The following SLC25A38 variants were observed in gnomAD, a reference collection of about 807,000 sequenced individuals.
SLC25A38 encodes the protein solute carrier family 25 member 38.
Under a neutral mutation model 33.4 loss-of-function variants are expected in SLC25A38, and 27 were observed. That is an observed-to-expected ratio of 0.81 (90% CI 0.60 to 1.11). SLC25A38 has a LOEUF of 1.11. Ranked by LOEUF, SLC25A38 falls within the 50% of genes most tolerant of loss-of-function variation. SLC25A38 has a pLI of 0.00. For missense variants in SLC25A38, 344 were observed against 388.8 expected, an observed-to-expected ratio of 0.88 and a Z score of 0.97; for synonymous variants, 123 against 145.9, an observed-to-expected ratio of 0.84 and a Z score of 1.13.
intron 1 of SLC25A38, 33 bp downstream of exon 1, chr3:39,383,826 T>C (rs1445010679): frequency 6.2e-7 from 1 of 1,612,068 alleles, no homozygotes; most frequent in Non-Finnish European, 8.5e-7. Context: ...AGGGCAGGGG[T>C]CCGAACCGCG....
intron 1 of SLC25A38, among the ~76,000 whole-genome samples, chr3:39,388,876 A>G (rs983382486): frequency 6.6e-6 from 1 of 152,170 alleles, no homozygotes; most frequent in Non-Finnish European, 1.5e-5. Flanking sequence ...GCCAGTGTAT[A>G]TGACGGTTCA....
In SLC25A38 at chr3:39,391,596, C is replaced by T. The variant is rs2041768397; in HGVS notation, c.432C>T (p.Ile144=). 1 of 1,614,100 alleles carries T rather than the reference C, an allele frequency of 6.2e-7. No individual in the cohort carries two copies. Among genetic ancestry groups the T allele is most frequent in the South Asian group, 1.1e-5 (1 of 91,092 alleles). Residue 144 remains isoleucine (I), a synonymous_variant, in exon 4 of 7, where the codon ATC becomes ATT. Coordinates refer to ENST00000650617, the MANE Select transcript of SLC25A38 (RefSeq NM_017875.4). Reference sequence around the variant, plus strand: ...TTGCAGGGGTCTGTATGTCACCTATCACTGTAATCAAGACGCGCTATGAGG... The same window carrying T: ...TTGCAGGGGTCTGTATGTCACCTATTACTGTAATCAAGACGCGCTATGAGG... ...RSVAGVCMSP[I]TVIKTRYESG... is the part of the protein sequence containing the mutation.
intron 2 of SLC25A38, 105 bp from the exon 3 acceptor site, chr3:39,390,318 T>G: frequency 5.4e-6 from 6 of 1,112,940 alleles, no homozygotes; most frequent in Non-Finnish European, 8.3e-6. Context: ...TTGTTAAGTG[T>G]CCTAAAAATG....
rs372825849 is a variant in SLC25A38 at position 39,396,477 on chromosome 3, C to T, written c.872C>T (p.Thr291Met). 20 of 1,613,874 alleles carry T rather than the reference C, an allele frequency of 1.2e-5. No individual in the cohort carries two copies. Among genetic ancestry groups the T allele is most frequent in the African/African-American group, 1.1e-4 (8 of 74,860 alleles). ...RRTLMAAMAW[T>M]VYEEMMAKMG... ...ACTCTAATGGCAGCAATGGCGTGGA[C>T]GGTGTATGAAGAGATGATGGCCAAG... Residue 291 changes from threonine to methionine, a missense_variant, in exon 7 of 7, where the codon ACG (threonine) becomes ATG (methionine). Thr to Met is a moderately conservative substitution (Grantham distance 81). This residue lies in a region of SLC25A38 where 75 missense variants were observed against 117.0 expected (regional missense o/e 0.64). Coordinates refer to ENST00000650617, the MANE Select transcript of SLC25A38 (RefSeq NM_017875.4).
chr3:39,390,471 G>T lies in SLC25A38; in HGVS notation c.240G>T (p.Thr80=). ...CTGTACTCTTGAAGGTGGTTCGCAC[G>T]GAGAGTCTTTTGGGCCTTTGGAAAG... ...MLAVLLKVVR[T]ESLLGLWKGM... Residue 80 remains threonine (T), a synonymous_variant, in exon 3 of 7, where the codon ACG becomes ACT. Coordinates refer to ENST00000650617, the MANE Select transcript of SLC25A38 (RefSeq NM_017875.4). 1 of 1,614,172 alleles carries T rather than the reference G, an allele frequency of 6.2e-7. No homozygotes were observed. The highest frequency in any genetic ancestry group is 8.5e-7 in the Non-Finnish European group (1 of 1,180,038).
At chr3:39,392,087 G>A (rs2041777876) in intron 5 of SLC25A38, 66 bp downstream of exon 5, 2 of 1,589,190 alleles carry the variant, frequency 1.3e-6, no homozygotes, top group Non-Finnish European at 8.6e-7. Context: ...CATTTTCTCT[G>A]GGATATGAGA....
chr3:39,396,924 G>C lies in SLC25A38; in HGVS notation c.*404G>C. 1 of 327,464 alleles carries C rather than the reference G, an allele frequency of 3.1e-6. No individual in the cohort carries two copies. The highest frequency in any genetic ancestry group is 6.0e-6 in the Non-Finnish European group (1 of 166,798). 20.3% of individuals were successfully genotyped at this position (327,464 alleles called of 1,614,324 possible). A position where few individuals can be genotyped will look rare whatever the true frequency, so the allele number is the denominator to read the frequency against. ...CTGTAAGCTGCCTGCCGGGCCTGAGGAGCTCCAACCAGGGAAGACTGGATG... is the reference window on the plus strand; with the variant it reads ...CTGTAAGCTGCCTGCCGGGCCTGAGCAGCTCCAACCAGGGAAGACTGGATG... On this transcript the variant is annotated 3_prime_UTR_variant, in exon 7 of 7. Coordinates refer to ENST00000650617, the MANE Select transcript of SLC25A38 (RefSeq NM_017875.4).
At position 39,394,534 on chromosome 3, in the gene SLC25A38, G is replaced by A; in HGVS notation, c.750G>A (p.Leu250=). The part of the protein sequence containing the change: ...VIKTHMQLYP[L]KFQWIGQAVT... Reference sequence around the variant, plus strand: ...AAACTCATATGCAGCTTTATCCACTGAAGTTTCAATGGATTGGCCAAGCAG... The same window carrying A: ...AAACTCATATGCAGCTTTATCCACTAAAGTTTCAATGGATTGGCCAAGCAG... The change falls in exon 6 of 7, where the codon CTG becomes CTA. Residue 250 remains leucine, a synonymous_variant. Transcript: ENST00000650617. 6.2e-7 allele frequency: 1 copy of A among 1,614,160 alleles called. No individual in the cohort carries two copies. The highest frequency in any genetic ancestry group is 8.5e-7 in the Non-Finnish European group (1 of 1,180,028).
chr3:39,389,426 G>T lies in SLC25A38; in HGVS notation c.70-69G>T, dbSNP rs1442722696. ...AGAGACCATTATAAAGGAATTTGCT[G>T]GTCAGGTATAGAGAAAGGTGAGGCT... is the stretch of plus-strand genomic sequence containing the variant. On this transcript the variant is annotated intron_variant, in intron 1 of 6. Transcript: ENST00000650617. This position sits in a 1 kb window ranked among gnomAD's most constrained non-coding sequence, Gnocchi z 4.5. 2 of 1,613,054 alleles carry T rather than the reference G, an allele frequency of 1.2e-6. No individual in the cohort carries two copies. Among genetic ancestry groups the T allele is most frequent in the South Asian group, 1.1e-5 (1 of 90,882 alleles).
At chr3:39,395,664 C>T (rs1462725175) in intron 6 of SLC25A38, among the ~76,000 whole-genome samples, 1 of 151,794 alleles carries the variant, frequency 6.6e-6, no homozygotes, top group African/African-American at 2.4e-5. Context: ...GAGAGGGCCA[C>T]CAAGAGCATA....
chr3:39,389,619 A>T lies in SLC25A38; in HGVS notation c.191+3A>T. ...ACCCTCCAGCCCTCAGATCATGGGT[A>T]GGCCCTGCATTTCATTGGGGAACTG... On this transcript the variant is annotated splice_donor_region_variant and intron_variant, in intron 2 of 6. Transcript: ENST00000650617. The surrounding 1 kb of genome is among the most constrained non-coding windows in gnomAD (Gnocchi z 4.5). The T allele has an allele frequency of 1.2e-6, 2 of 1,614,182 alleles. No individual in the cohort carries two copies. The highest frequency in any genetic ancestry group is 1.7e-6 in the Non-Finnish European group (2 of 1,180,026).
rs1244923847 is a variant in SLC25A38 at position 39,383,377 on chromosome 3, C to T, written c.-348C>T. 3.3e-6 allele frequency: 1 copy of T among 305,112 alleles called. No individual in the cohort carries two copies. Among genetic ancestry groups the T allele is most frequent in the Non-Finnish European group, 6.4e-6 (1 of 156,752 alleles). The allele number at this position is 305,112 out of a possible 1,614,324, so 18.9% of individuals were successfully genotyped here. A position where few individuals can be genotyped will look rare whatever the true frequency, so the allele number is the denominator to read the frequency against. On this transcript the variant is annotated 5_prime_UTR_variant, in exon 1 of 7. Transcript: ENST00000650617. Reference sequence around the variant, plus strand: ...CGAAATCTCCCCTTCTACAGAGTTCCTCCGGCGCTTCCTCCACCCCGGGAT... The same window carrying T: ...CGAAATCTCCCCTTCTACAGAGTTCTTCCGGCGCTTCCTCCACCCCGGGAT...
intron 1 of SLC25A38, among the ~76,000 whole-genome samples, chr3:39,386,231 A>G (rs1418787537): frequency 1.4e-4 from 21 of 152,142 alleles, no homozygotes; most frequent in Admixed American, 1.4e-3. Context: ...ACAAAACATT[A>G]TCTTTCATTG....
Position 39,396,753 on chromosome 3 carries a change from G to A in SLC25A38, c.*233G>A. 3 of 622,422 alleles carry A rather than the reference G, an allele frequency of 4.8e-6. No individual in the cohort carries two copies. The South Asian group carries it at 5.5e-5, about 11-fold the overall frequency. 38.6% of individuals were successfully genotyped at this position (622,422 alleles called of 1,614,324 possible). On this transcript the variant is annotated 3_prime_UTR_variant, in exon 7 of 7. Coordinates refer to ENST00000650617, the MANE Select transcript of SLC25A38 (RefSeq NM_017875.4). Reference sequence around the variant, plus strand: ...TTCATAGAGCACACTAGGGTGTTAGGAGAGAGCTTTGCATACTCTGAGAGG... The same window carrying A: ...TTCATAGAGCACACTAGGGTGTTAGAAGAGAGCTTTGCATACTCTGAGAGG...
chr3:39,393,803 A>G (rs1487848455), intron 5 of SLC25A38, among the ~76,000 whole-genome samples: 1 of 152,186 alleles, frequency 6.6e-6, no homozygotes, highest in African/African-American at 2.4e-5. Flanking sequence ...TTTAACCTAC[A>G]GTCCATATTC....
intron 1 of SLC25A38, among the ~76,000 whole-genome samples, chr3:39,386,001 C>A (rs1430006475): frequency 6.6e-6 from 1 of 152,184 alleles, no homozygotes; most frequent in Non-Finnish European, 1.5e-5. Context: ...CCCTGTGATA[C>A]ATGAAAGGCC....
In SLC25A38 at chr3:39,394,747, T is replaced by A. The variant is rs67035835; in HGVS notation, c.792+171T>A. ...CAGAATGTCTAGTGAGATTTTTTTT[T>A]TAATGTTCCCCAGTGATTTTAATAT... On this transcript the variant is annotated intron_variant, in intron 6 of 6. Transcript: ENST00000650617. Among the ~76,000 whole-genome samples, 40,626 of 152,012 alleles carry A rather than the reference T, an allele frequency of 0.27. 5,977 individuals carry two copies. Among genetic ancestry groups the A allele is most frequent in the Non-Finnish European group, 0.32 (21,714 of 67,942 alleles).
rs1046821338 is a variant in SLC25A38 at position 39,388,639 on chromosome 3, GTTTA to G, written c.70-836_70-833del. Among the ~76,000 whole-genome samples, 6 of 152,082 alleles carry G rather than the reference GTTTA, an allele frequency of 3.9e-5. No individual in the cohort carries two copies. In the South Asian group the frequency reaches 1.2e-3, roughly 31 times the overall value. On this transcript the variant is annotated intron_variant, in intron 1 of 6. Coordinates refer to ENST00000650617, the MANE Select transcript of SLC25A38 (RefSeq NM_017875.4). ...ACATTTTTGGAGAAGATAGCTATTT[GTTTA>G]TTTATTTATTTATTTATTTTAGGGA...
At chr3:39,392,840 A>G (rs917378809) in intron 5 of SLC25A38, among the ~76,000 whole-genome samples, 2 of 152,246 alleles carry the variant, frequency 1.3e-5, no homozygotes, top group Non-Finnish European at 2.9e-5. Flanking sequence ...CCCAGGCACC[A>G]GAAGGTGTAA....
Sources: gnomAD v4.1 joint callset for allele counts (sites outside exome capture counted in the v4.1 genomes callset) on GRCh38, gnomAD v4.1.1 for gene constraint, gnomAD v4.1.1 regional missense constraint, Gnocchi (gnomAD v3.1) non-coding constraint, MANE v1.5 for transcripts, NCBI Gene and HGNC (gene_info 2026-07-23, HGNC 2026-07-21) for gene names.